The following INSL6 variants were observed in gnomAD, a reference collection of about 807,000 sequenced individuals.
The protein encoded by INSL6 is insulin like 6.
INSL6 carries 16 observed loss-of-function variants against 9.4 expected under a neutral mutation model. That is an observed-to-expected ratio of 1.70 (90% CI 1.15 to 2.59). INSL6 has a LOEUF of 2.59. INSL6 is among the 30% of genes most tolerant of loss of function. INSL6 has a pLI of 0.00. For missense variants in INSL6, 391 were observed against 257.3 expected (o/e 1.52, Z -3.56); for synonymous variants, 154 against 96.9 (o/e 1.59, Z -3.46).
At chr9:5,103,505 A>G in the INSL6 span, among the ~76,000 whole-genome samples, 31 of 152,272 alleles carry the variant, frequency 2.0e-4, no homozygotes, top group African/African-American at 7.2e-4. Context: ...AATAATAGAC[A>G]GATCAATGAG....
chr9:5,008,018 C>A, the INSL6 span, among the ~76,000 whole-genome samples: 1 of 152,086 alleles, frequency 6.6e-6, no homozygotes, highest in African/African-American at 2.4e-5. Context: ...CATGAGCCAC[C>A]GCGCCTGGCC....
chr9:5,178,854 A>G (rs1317454388), intron 1 of INSL6, among the ~76,000 whole-genome samples: 1 of 152,174 alleles, frequency 6.6e-6, no homozygotes, highest in East Asian at 1.9e-4. Context: ...CTCTACACAA[A>G]AATTAACTCA....
the INSL6 span, among the ~76,000 whole-genome samples, chr9:5,096,121 A>G: frequency 2.0e-4 from 30 of 152,228 alleles, no homozygotes; most frequent in Middle Eastern, 6.8e-3. Context: ...AATTTACTCC[A>G]TCTCAATGAC....
At chr9:5,055,694 C>T in the INSL6 span, 1 of 1,580,884 alleles carries the variant, frequency 6.3e-7, no homozygotes, top group Non-Finnish European at 8.7e-7. Flanking sequence ...TGCGATTTTC[C>T]TAATATTATT....
chr9:5,184,150 A>G (rs1337420772), intron 1 of INSL6, among the ~76,000 whole-genome samples: 1 of 152,192 alleles, frequency 6.6e-6, no homozygotes, highest in Non-Finnish European at 1.5e-5. Context: ...AATTCTATTC[A>G]TTCATTCCAA....
the INSL6 span, among the ~76,000 whole-genome samples, chr9:5,043,097 A>G: frequency 6.6e-6 from 1 of 152,194 alleles, no homozygotes; most frequent in Non-Finnish European, 1.5e-5. Flanking sequence ...AAGCAGCCGC[A>G]GACAAAATGC....
At chr9:5,013,484 G>A in the INSL6 span, among the ~76,000 whole-genome samples, 1 of 152,160 alleles carries the variant, frequency 6.6e-6, no homozygotes, top group African/African-American at 2.4e-5. Flanking sequence ...CCACTCCATT[G>A]CCTTTTGGGA....
At chr9:5,174,457 G>C (rs973543137) in intron 1 of INSL6, among the ~76,000 whole-genome samples, 1 of 152,096 alleles carries the variant, frequency 6.6e-6, no homozygotes. Flanking sequence ...ACCTCTTCCT[G>C]ACATACTTTC....
At chr9:5,048,498 T>C in the INSL6 span, among the ~76,000 whole-genome samples, 1 of 152,144 alleles carries the variant, frequency 6.6e-6, no homozygotes, top group East Asian at 1.9e-4. Flanking sequence ...TACCAAGTCA[T>C]TGATCATCTT....
At chr9:5,165,206 A>G (rs910741239) in intron 1 of INSL6, among the ~76,000 whole-genome samples, 6 of 152,198 alleles carry the variant, frequency 3.9e-5, no homozygotes, top group African/African-American at 1.2e-4. Flanking sequence ...GCAAGACTCC[A>G]TCTCAAAAAA....
At chr9:5,056,388 T>C in the INSL6 span, among the ~76,000 whole-genome samples, 2 of 152,112 alleles carry the variant, frequency 1.3e-5, no homozygotes, top group African/African-American at 4.8e-5. Flanking sequence ...TCTTTTTAAC[T>C]CAGATGCTTC....
chr9:5,029,534 GA>G, the INSL6 span, among the ~76,000 whole-genome samples: 1 of 151,966 alleles, frequency 6.6e-6, no homozygotes, highest in South Asian at 2.1e-4. Context: ...ATTTTGTAAA[GA>G]AAAAAACCCC....
the INSL6 span, among the ~76,000 whole-genome samples, chr9:4,994,166 T>C: frequency 6.6e-6 from 1 of 152,256 alleles, no homozygotes; most frequent in Non-Finnish European, 1.5e-5. Flanking sequence ...AATCTTTACT[T>C]AGAAGTTTGA....
the INSL6 span, among the ~76,000 whole-genome samples, chr9:5,033,517 G>C: frequency 6.6e-6 from 1 of 152,174 alleles, no homozygotes. Context: ...ACAAAGGGAA[G>C]CCCATCAGAC....
At chr9:5,130,814 C>CGCCTCCCGGGTTCATGCCATTCTCCT (rs1824261938) in intron 3 of INSL6, among the ~76,000 whole-genome samples, 1 of 151,062 alleles carries the variant, frequency 6.6e-6, no homozygotes, top group African/African-American at 2.4e-5. Context: ...CTGCAAGCTC[C>CGCCTCCCGGGTTCATGCCATTCTCCT]GCCTCCCGGG....
the INSL6 span, among the ~76,000 whole-genome samples, chr9:5,086,935 T>C: frequency 3.3e-5 from 5 of 152,194 alleles, no homozygotes; most frequent in African/African-American, 4.8e-5. Flanking sequence ...TCACCCCCCC[T>C]TCCCTTGATT....
the INSL6 span, among the ~76,000 whole-genome samples, chr9:5,060,844 A>G: frequency 6.6e-6 from 1 of 152,334 alleles, no homozygotes; most frequent in East Asian, 1.9e-4. Context: ...ATCACTATCT[A>G]TGGCAGCTTA....
chr9:5,040,834 C>A, the INSL6 span: 1 of 210,752 alleles, frequency 4.7e-6, no homozygotes, highest in Non-Finnish European at 9.7e-6. Context: ...GAGTGGGGCG[C>A]CAGAGCCCCA....
the INSL6 span, among the ~76,000 whole-genome samples, chr9:5,104,936 A>T: frequency 6.6e-6 from 1 of 152,190 alleles, no homozygotes; most frequent in African/African-American, 2.4e-5. Context: ...TTTATGACAA[A>T]CTCACAGCCA....
Sources: allele counts gnomAD v4.1 joint callset (sites outside exome capture counted in the v4.1 genomes callset), GRCh38; gene constraint gnomAD v4.1.1; transcripts MANE v1.5; gene names NCBI Gene and HGNC (gene_info 2026-07-23, HGNC 2026-07-21).